NR6A1: variants seen among roughly 807,000 people sequenced by gnomAD.
The protein encoded by NR6A1 is nuclear receptor subfamily 6 group A member 1, also known as retinoic acid receptor-related testis-associated receptor.
NR6A1 carries 7 observed loss-of-function variants against 59.1 expected under a neutral mutation model. The ratio of observed to expected loss-of-function variants is 0.12; its 90% CI spans 0.07 to 0.22. The LOEUF (loss-of-function observed/expected upper bound fraction) is 0.22. Ranked by LOEUF, NR6A1 falls within the 10% of genes least tolerant of loss-of-function variation. The pLI is 1.00. For synonymous variants in NR6A1, 243 were observed against 236.1 expected (o/e 1.03, Z -0.27); for missense variants, 468 against 611.6 (o/e 0.77, Z 2.48).
At chr9:124,652,204 C>T (rs1218020865) in intron 2 of NR6A1, among the ~76,000 whole-genome samples, 1 of 152,154 alleles carries the variant, frequency 6.6e-6, no homozygotes, top group South Asian at 2.1e-4. Context: ...AGCTCTATTT[C>T]CACACTGTTG....
At chr9:124,738,177 C>A (rs1371023636) in intron 1 of NR6A1, among the ~76,000 whole-genome samples, 1 of 152,042 alleles carries the variant, frequency 6.6e-6, no homozygotes, top group Non-Finnish European at 1.5e-5. Flanking sequence ...TAGCTTTAAC[C>A]TGGGAGGCGG....
intron 2 of NR6A1, among the ~76,000 whole-genome samples, chr9:124,631,292 G>C (rs955489584): frequency 6.6e-6 from 1 of 152,038 alleles, no homozygotes; most frequent in African/African-American, 2.4e-5. Context: ...GTTTCTCCCT[G>C]AATTACATAG....
At chr9:124,727,471 G>A (rs996092485) in intron 2 of NR6A1, among the ~76,000 whole-genome samples, 1 of 152,088 alleles carries the variant, frequency 6.6e-6, no homozygotes, top group African/African-American at 2.4e-5. Context: ...ATTATAACTA[G>A]CATTCAGTTA....
At chr9:124,633,478 G>C (rs1406136317) in intron 2 of NR6A1, among the ~76,000 whole-genome samples, 1 of 151,484 alleles carries the variant, frequency 6.6e-6, no homozygotes, top group Non-Finnish European at 1.5e-5. Context: ...AAGAGAACTA[G>C]GACACAGCTG....
At chr9:124,692,232 CCATT>C (rs1000058003) in intron 2 of NR6A1, among the ~76,000 whole-genome samples, 2 of 152,144 alleles carry the variant, frequency 1.3e-5, no homozygotes, top group African/African-American at 2.4e-5. Flanking sequence ...CAAAATAATA[CCATT>C]CAAAGACATT....
rs151055995 is a variant in NR6A1, at chr9:124,665,908, C to T, written c.142+67400G>A. Among the ~76,000 whole-genome samples, 559 of 152,238 alleles carry T rather than the reference C, an allele frequency of 3.7e-3. 2 individuals carry two copies. The highest frequency in any genetic ancestry group is 5.6e-3 in the Non-Finnish European group (384 of 68,016). Reference sequence around the variant, plus strand: ...CCAATTGGAATTTACTCTTTGTTGTCCTAGGACTAATACAATGAAGTTGTT... The same window carrying T: ...CCAATTGGAATTTACTCTTTGTTGTTCTAGGACTAATACAATGAAGTTGTT... On this transcript the variant is annotated intron_variant, in intron 2 of 9. Coordinates refer to ENST00000487099, the MANE Select transcript of NR6A1 (RefSeq NM_033334.4).
At chr9:124,631,250 T>C (rs975220751) in intron 2 of NR6A1, among the ~76,000 whole-genome samples, 1 of 152,196 alleles carries the variant, frequency 6.6e-6, no homozygotes, top group Non-Finnish European at 1.5e-5. Flanking sequence ...AAGATTTATT[T>C]ATACTTCTAG....
intron 3 of NR6A1, among the ~76,000 whole-genome samples, chr9:124,553,863 T>C (rs865862343): frequency 2.0e-5 from 3 of 152,178 alleles, no homozygotes; most frequent in Middle Eastern, 3.2e-3. Flanking sequence ...CTCAGGCTAA[T>C]GGCTCTTGGA....
intron 2 of NR6A1, among the ~76,000 whole-genome samples, chr9:124,623,525 A>C (rs1836141614): frequency 7.0e-6 from 1 of 142,738 alleles, no homozygotes; most frequent in Non-Finnish European, 1.5e-5. Context: ...ATGCCTGGCT[A>C]ATTTTTTTTT....
intron 2 of NR6A1, among the ~76,000 whole-genome samples, chr9:124,565,306 A>G (rs954373847): frequency 6.6e-6 from 1 of 152,132 alleles, no homozygotes; most frequent in Non-Finnish European, 1.5e-5. Context: ...ACGCGCTTGT[A>G]GTCCCAGATA....
At chr9:124,681,253 G>T (rs1376826442) in intron 2 of NR6A1, among the ~76,000 whole-genome samples, 1 of 151,258 alleles carries the variant, frequency 6.6e-6, no homozygotes, top group African/African-American at 2.4e-5. Context: ...GTATCTGATG[G>T]ATATTTTCTT....
At chr9:124,739,834 T>TA (rs1395302507) in intron 1 of NR6A1, among the ~76,000 whole-genome samples, 2 of 152,232 alleles carry the variant, frequency 1.3e-5, no homozygotes, top group Non-Finnish European at 2.9e-5. Flanking sequence ...TATAATGTGT[T>TA]AGAGTTACTC....
chr9:124,695,254 C>T (rs1390783098), intron 2 of NR6A1, among the ~76,000 whole-genome samples: 1 of 152,102 alleles, frequency 6.6e-6, no homozygotes, highest in African/African-American at 2.4e-5. Flanking sequence ...GTTTGGTGGC[C>T]AAATATACAT....
chr9:124,699,230 G>A (rs930115765), intron 2 of NR6A1, among the ~76,000 whole-genome samples: 5 of 152,304 alleles, frequency 3.3e-5, no homozygotes, highest in Admixed American at 2.6e-4. Flanking sequence ...AAGTAGTTCA[G>A]ACAAGATCCT....
rs562061980 is a variant in NR6A1 at position 124,569,158 on chromosome 9, C to T, written c.143-14588G>A. ...GCTGCTGCTGCATCACCCATCCCCC[C>T]CTTTAAGGAAACAAAGAAATGACAG... On this transcript the variant is annotated intron_variant, in intron 2 of 9. Coordinates refer to ENST00000487099, the MANE Select transcript of NR6A1 (RefSeq NM_033334.4). 1.6e-4 allele frequency among the ~76,000 whole-genome samples: 24 copies of T among 152,270 alleles called. No individual in the cohort carries two copies. The South Asian group carries it at 2.9e-3, about 18-fold the overall frequency.
intron 2 of NR6A1, among the ~76,000 whole-genome samples, chr9:124,603,565 T>G (rs778776175): frequency 5.3e-5 from 8 of 152,172 alleles, no homozygotes; most frequent in Admixed American, 1.3e-4. Context: ...ATTTGCTGGG[T>G]TCCTGCATCA....
intron 2 of NR6A1, among the ~76,000 whole-genome samples, chr9:124,600,745 G>A (rs1229856433): frequency 6.6e-6 from 1 of 152,184 alleles, no homozygotes; most frequent in Non-Finnish European, 1.5e-5. Context: ...AAGTGTTGGA[G>A]AAACAAAGAT....
At chr9:124,570,060 CT>C (rs1366927242) in intron 2 of NR6A1, among the ~76,000 whole-genome samples, 2 of 152,188 alleles carry the variant, frequency 1.3e-5, no homozygotes. Context: ...GCTGCCTTTC[CT>C]TTTGTTCCTA....
At chr9:124,722,863 G>C (rs966550321) in intron 2 of NR6A1, among the ~76,000 whole-genome samples, 3 of 152,018 alleles carry the variant, frequency 2.0e-5, no homozygotes, top group African/African-American at 4.8e-5. Flanking sequence ...TGGGACTACA[G>C]GTACACGCCT....
Sources: allele counts gnomAD v4.1 joint callset (sites outside exome capture counted in the v4.1 genomes callset), GRCh38; gene constraint gnomAD v4.1.1; transcripts MANE v1.5; gene names NCBI Gene and HGNC (gene_info 2026-07-23, HGNC 2026-07-21).